The following CMC1 variants were observed in gnomAD, a reference collection of about 807,000 sequenced individuals.
CMC1 encodes COX assembly mitochondrial protein homolog.
Under a neutral mutation model 14.1 loss-of-function variants are expected in CMC1, and 14 were observed. The observed-to-expected ratio is 0.99, with a 90% CI of 0.66 to 1.55. The LOEUF (loss-of-function observed/expected upper bound fraction) is 1.55. Among genes scored for constraint, CMC1 ranks in the 40% most tolerant of loss-of-function variants. The pLI is 0.00. For synonymous variants in CMC1, 50 were observed against 38.4 expected, an observed-to-expected ratio of 1.30 and a Z score of -1.12; for missense variants, 127 against 123.8, an observed-to-expected ratio of 1.03 and a Z score of -0.12.
chr3:28,304,196 A>G (rs965601390), intron 2 of CMC1, among the ~76,000 whole-genome samples: 1 of 152,104 alleles, frequency 6.6e-6, no homozygotes, highest in African/African-American at 2.4e-5. Flanking sequence ...CCTGTCTCTT[A>G]AAAAAATACA....
chr3:28,245,919 G>A (rs1698801646), intron 1 of CMC1, among the ~76,000 whole-genome samples: 1 of 152,126 alleles, frequency 6.6e-6, no homozygotes, highest in African/African-American at 2.4e-5. Flanking sequence ...TGTTTAATAT[G>A]TAAAAGGTTG....
At chr3:28,265,264 A>G (rs1481157044) in intron 2 of CMC1, among the ~76,000 whole-genome samples, 1 of 152,108 alleles carries the variant, frequency 6.6e-6, no homozygotes, top group Non-Finnish European at 1.5e-5. Flanking sequence ...TTTTTAGGCC[A>G]TGTGATTCAA....
At chr3:28,248,466 A>G (rs1199995569) in intron 1 of CMC1, among the ~76,000 whole-genome samples, 3 of 152,178 alleles carry the variant, frequency 2.0e-5, no homozygotes, top group Non-Finnish European at 4.4e-5. Context: ...AGAAGTAGGG[A>G]AAGAGATGTA....
chr3:28,299,621 TAA>T (rs1701920405), intron 2 of CMC1, among the ~76,000 whole-genome samples: 1 of 152,138 alleles, frequency 6.6e-6, no homozygotes, highest in Admixed American at 6.6e-5. Flanking sequence ...AAAAGCATAA[TAA>T]TTTTGTCATA....
chr3:28,249,529 G>A (rs1312920896), intron 1 of CMC1, among the ~76,000 whole-genome samples: 1 of 152,212 alleles, frequency 6.6e-6, no homozygotes, highest in Non-Finnish European at 1.5e-5. Flanking sequence ...TTTACTTGCA[G>A]TAGTTCTCAG....
intron 1 of CMC1, among the ~76,000 whole-genome samples, chr3:28,251,857 A>G (rs537752176): frequency 1.3e-5 from 2 of 152,304 alleles, no homozygotes; most frequent in African/African-American, 4.8e-5. Flanking sequence ...ATGTATTGCT[A>G]AGAAGGCCAC....
intron 2 of CMC1, among the ~76,000 whole-genome samples, chr3:28,268,509 G>A (rs1284710683): frequency 6.6e-6 from 1 of 152,132 alleles, no homozygotes; most frequent in Non-Finnish European, 1.5e-5. Context: ...TGCCTAACAT[G>A]TACCAAAATT....
At chr3:28,316,253 C>A in intron 2 of CMC1, 80 bp from the exon 3 acceptor site, 1 of 657,718 alleles carries the variant, frequency 1.5e-6, no homozygotes, top group Non-Finnish European at 2.4e-6. Context: ...TTTTTTTTTT[C>A]TAAAAAGAAG....
chr3:28,277,559 A>G (rs1234685357), intron 2 of CMC1, among the ~76,000 whole-genome samples: 1 of 152,176 alleles, frequency 6.6e-6, no homozygotes, highest in Non-Finnish European at 1.5e-5. Context: ...AAAGAAAAAT[A>G]AATTTTGATA....
chr3:28,263,558 A>G (rs1315829991), intron 2 of CMC1, among the ~76,000 whole-genome samples, 178 bp downstream of exon 2: 1 of 152,152 alleles, frequency 6.6e-6, no homozygotes, highest in Non-Finnish European at 1.5e-5. Context: ...CAATTCATTT[A>G]CAGTTTAAAA....
chr3:28,308,963 C>T (rs1489600379), intron 2 of CMC1, among the ~76,000 whole-genome samples: 25 of 143,064 alleles, frequency 1.7e-4, no homozygotes, highest in Non-Finnish European at 3.6e-4. Flanking sequence ...AGCCCGGCGA[C>T]GGAGCGAGAC....
chr3:28,275,336 T>C (rs1386310875), intron 2 of CMC1, among the ~76,000 whole-genome samples: 16 of 145,694 alleles, frequency 1.1e-4, no homozygotes, highest in African/African-American at 2.3e-4. Context: ...TTGTTTTTTT[T>C]TTTTCTTTTT....
intron 2 of CMC1, among the ~76,000 whole-genome samples, chr3:28,299,973 G>A (rs1701939244): frequency 1.3e-5 from 2 of 152,122 alleles, no homozygotes; most frequent in African/African-American, 4.8e-5. Context: ...TAGTAAAATT[G>A]TAAATTCTTT....
intron 2 of CMC1, among the ~76,000 whole-genome samples, chr3:28,279,335 C>T (rs1700748509): frequency 6.6e-6 from 1 of 152,030 alleles, no homozygotes; most frequent in African/African-American, 2.4e-5. Flanking sequence ...AATTAAATTG[C>T]CTGCTTAAAT....
intron 3 of CMC1, chr3:28,318,636 C>T (rs1201964470): frequency 1.3e-5 from 2 of 152,058 alleles, no homozygotes; most frequent in East Asian, 3.9e-4. Flanking sequence ...ATACAGTAGT[C>T]TAGTATCTAC....
chr3:28,253,650 A>T, intron 1 of CMC1: 2 of 679,882 alleles, frequency 2.9e-6, no homozygotes, highest in Non-Finnish European at 4.4e-6. Context: ...AACAAAGAAG[A>T]GGGATCCAAA....
chr3:28,300,922 C>G (rs906671804), intron 2 of CMC1, among the ~76,000 whole-genome samples: 1 of 133,482 alleles, frequency 7.5e-6, no homozygotes, highest in Non-Finnish European at 1.6e-5. Flanking sequence ...CATACCCCCC[C>G]GACGTGTACA....
Position 28,319,698 on chromosome 3 carries a change from G to T in CMC1, c.*69G>T. 1.6e-6 allele frequency: 2 copies of T among 1,265,858 alleles called. No homozygotes were observed. Among genetic ancestry groups the T allele is most frequent in the South Asian group, 1.5e-5 (1 of 66,044 alleles). The allele number at this position is 1,265,858 out of a possible 1,614,324, so 78.4% of individuals were successfully genotyped here. ...GTCATTTTATAGTCCTTAAATAATG[G>T]ACTCAAGCATATATGTTTGCTTTAC... On this transcript the variant is annotated 3_prime_UTR_variant, in exon 4 of 4. Transcript: ENST00000466830.
intron 2 of CMC1, among the ~76,000 whole-genome samples, chr3:28,278,411 G>A (rs1280508744): frequency 6.6e-6 from 1 of 152,104 alleles, no homozygotes; most frequent in East Asian, 1.9e-4. Flanking sequence ...CTCTTATAAA[G>A]GGAAACAAAG....
Sources: allele counts gnomAD v4.1 joint callset (sites outside exome capture counted in the v4.1 genomes callset), GRCh38; gene constraint gnomAD v4.1.1; transcripts MANE v1.5; gene names NCBI Gene and HGNC (gene_info 2026-07-23, HGNC 2026-07-21).